Variants in TMTC1 observed in about 807,000 individuals in gnomAD.
TMTC1 encodes the protein transmembrane O-mannosyltransferase targeting cadherins 1.
In TMTC1, 73 loss-of-function variants were observed where a neutral mutation model predicts 104.8. That is an observed-to-expected ratio of 0.70 (90% CI 0.58 to 0.85). TMTC1 has a LOEUF of 0.85. TMTC1 is among the 40% of genes least tolerant of loss of function. The probability of loss-of-function intolerance (pLI) is 0.00; values close to 1 mark genes in which losing one functional copy is unlikely to be tolerated. For synonymous variants in TMTC1, 434 were observed against 428.7 expected (o/e 1.01, Z -0.15); for missense variants, 1,035 against 1,096.1 (o/e 0.94, Z 0.79).
chr12:29,679,856 C>T (rs913128797), intron 5 of TMTC1, among the ~76,000 whole-genome samples: 8 of 151,944 alleles, frequency 5.3e-5, no homozygotes, highest in African/African-American at 1.9e-4. Flanking sequence ...GCAGTGTTTA[C>T]ATTATTATGA....
intron 5 of TMTC1, among the ~76,000 whole-genome samples, chr12:29,730,913 A>T (rs1009845019): frequency 1.6e-4 from 25 of 152,122 alleles, no homozygotes; most frequent in African/African-American, 5.8e-4. Flanking sequence ...AACTTTTTTA[A>T]ATCCCTGTTT....
At chr12:29,579,645 G>C (rs192241517) in intron 8 of TMTC1, among the ~76,000 whole-genome samples, 6 of 152,316 alleles carry the variant, frequency 3.9e-5, no homozygotes, top group Admixed American at 3.9e-4. Context: ...GGAGAGGGAA[G>C]AGGGTTTAAT....
At chr12:29,572,022 T>C in intron 9 of TMTC1, 83 bp downstream of exon 9, 1 of 1,073,720 alleles carries the variant, frequency 9.3e-7, no homozygotes, top group Non-Finnish European at 1.4e-6. Flanking sequence ...ACAAACTCCC[T>C]CTCCATATAC....
chr12:29,574,707 T>C (rs1399805090), intron 8 of TMTC1, among the ~76,000 whole-genome samples: 1 of 152,194 alleles, frequency 6.6e-6, no homozygotes, highest in Non-Finnish European at 1.5e-5. Context: ...TCTTCCTTGT[T>C]TTATACGGGC....
chr12:29,765,034 A>C lies in TMTC1; in HGVS notation c.480+2864T>G, dbSNP rs567723243. Among the ~76,000 whole-genome samples, 4 of 152,336 alleles carry C rather than the reference A, an allele frequency of 2.6e-5. No individual in the cohort carries two copies. The East Asian group carries it at 7.7e-4, about 29-fold the overall frequency. On this transcript the variant is annotated intron_variant, in intron 2 of 17. Coordinates refer to ENST00000539277, the MANE Select transcript of TMTC1 (RefSeq NM_001193451.2). ...TCTAAGCACAGATTTCCAATTGTAC[A>C]AGAAGAATTATTTGTCAGAAATAAA...
At chr12:29,566,079 G>A (rs1170410557) in intron 9 of TMTC1, among the ~76,000 whole-genome samples, 3 of 152,112 alleles carry the variant, frequency 2.0e-5, no homozygotes, top group Non-Finnish European at 4.4e-5. Flanking sequence ...CAAAGAGGGG[G>A]AACAGGGGAT....
At chr12:29,569,538 CTGT>C (rs1302840733) in intron 9 of TMTC1, among the ~76,000 whole-genome samples, 4 of 152,218 alleles carry the variant, frequency 2.6e-5, no homozygotes, top group African/African-American at 9.6e-5. Flanking sequence ...AGAGGAATCC[CTGT>C]CTCAGCAACT....
chr12:29,711,291 T>G (rs1941918980), intron 5 of TMTC1, among the ~76,000 whole-genome samples: 1 of 152,118 alleles, frequency 6.6e-6, no homozygotes. Flanking sequence ...AGTTAATGTT[T>G]TTAACAGGTA....
intron 12 of TMTC1, among the ~76,000 whole-genome samples, chr12:29,520,138 G>A (rs1944106821): frequency 1.3e-5 from 2 of 152,186 alleles, no homozygotes; most frequent in African/African-American, 2.4e-5. Context: ...TATAGCACCT[G>A]TCATATAAGA....
At chr12:29,759,258 G>A (rs1335746895) in intron 2 of TMTC1, among the ~76,000 whole-genome samples, 4 of 152,170 alleles carry the variant, frequency 2.6e-5, no homozygotes, top group Admixed American at 6.5e-5. Context: ...CACTTTGGAA[G>A]GCCGAGGCTG....
At chr12:29,627,153 T>C (rs1938044150) in intron 6 of TMTC1, among the ~76,000 whole-genome samples, 1 of 152,066 alleles carries the variant, frequency 6.6e-6, no homozygotes, top group African/African-American at 2.4e-5. Flanking sequence ...AAGGACATTA[T>C]CAGGAATGTA....
chr12:29,735,153 C>A (rs1202000897), intron 5 of TMTC1, among the ~76,000 whole-genome samples: 1 of 152,204 alleles, frequency 6.6e-6, no homozygotes, highest in Non-Finnish European at 1.5e-5. Context: ...TGCATGAAGA[C>A]ACAGAGTCCT....
chr12:29,673,744 C>CTTTTTTTTTTTTTTTTT (rs146463669), intron 5 of TMTC1, among the ~76,000 whole-genome samples: 4 of 95,734 alleles, frequency 4.2e-5, no homozygotes, highest in African/African-American at 8.0e-5. Context: ...AGAGGGACTT[C>CTTTTTTTTTTTTTTTTT]TTTTTTTTTT....
At chr12:29,708,515 CACAATG>C (rs1444612108) in intron 5 of TMTC1, among the ~76,000 whole-genome samples, 2 of 152,082 alleles carry the variant, frequency 1.3e-5, no homozygotes, top group East Asian at 1.9e-4. Context: ...CAATATTGCA[CACAATG>C]GAATTCTCTA....
chr12:29,738,674 C>T (rs866517267), intron 5 of TMTC1, among the ~76,000 whole-genome samples: 34 of 152,222 alleles, frequency 2.2e-4, no homozygotes, highest in African/African-American at 7.0e-4. Flanking sequence ...TAGTCAGAAA[C>T]CGGAAATCAA....
intron 5 of TMTC1, among the ~76,000 whole-genome samples, chr12:29,653,763 G>A (rs894472886): frequency 2.0e-5 from 3 of 152,150 alleles, no homozygotes; most frequent in African/African-American, 7.2e-5. Flanking sequence ...CCTGAATAAT[G>A]ATGACCTCCA....
chr12:29,532,107 C>T (rs764511094), intron 11 of TMTC1, among the ~76,000 whole-genome samples: 3 of 152,046 alleles, frequency 2.0e-5, no homozygotes, highest in Non-Finnish European at 4.4e-5. Flanking sequence ...ATTTTCTCCT[C>T]GAGGAAATTA....
At chr12:29,582,579 C>T (rs1016015139) in intron 8 of TMTC1, among the ~76,000 whole-genome samples, 3 of 152,200 alleles carry the variant, frequency 2.0e-5, no homozygotes, top group African/African-American at 7.2e-5. Flanking sequence ...TGCCTGTTTC[C>T]TGTCTTGGGT....
intron 10 of TMTC1, among the ~76,000 whole-genome samples, chr12:29,538,355 T>C (rs1281450939): frequency 6.6e-6 from 1 of 152,160 alleles, no homozygotes; most frequent in African/African-American, 2.4e-5. Context: ...TGTATCCCAC[T>C]AATTTGGCTA....
Sources: allele counts gnomAD v4.1 joint callset (sites outside exome capture counted in the v4.1 genomes callset), GRCh38; gene constraint gnomAD v4.1.1; transcripts MANE v1.5; gene names NCBI Gene and HGNC (gene_info 2026-07-23, HGNC 2026-07-21).